TOX: variants seen among roughly 807,000 people sequenced by gnomAD.
TOX encodes the protein thymocyte selection-associated high mobility group box protein TOX.
Under a neutral mutation model 53.7 loss-of-function variants are expected in TOX, and 11 were observed. The ratio of observed to expected loss-of-function variants is 0.20; its 90% CI spans 0.13 to 0.34. The LOEUF (loss-of-function observed/expected upper bound fraction) is 0.34. TOX is among the 10% of genes least tolerant of loss of function. The probability of loss-of-function intolerance (pLI) is 1.00; values close to 1 mark genes in which losing one functional copy is unlikely to be tolerated. For synonymous variants in TOX, 225 were observed against 245.3 expected (o/e 0.92, Z 0.77); for missense variants, 570 against 664.6 (o/e 0.86, Z 1.56).
At chr8:58,952,136 AG>A (rs1812632209) in intron 2 of TOX, among the ~76,000 whole-genome samples, 1 of 152,158 alleles carries the variant, frequency 6.6e-6, no homozygotes, top group African/African-American at 2.4e-5. Flanking sequence ...ACACAGGAGG[AG>A]GTCTCAGAAG....
intron 1 of TOX, among the ~76,000 whole-genome samples, chr8:59,011,731 A>C (rs571618462): frequency 6.6e-6 from 1 of 152,144 alleles, no homozygotes; most frequent in Non-Finnish European, 1.5e-5. Flanking sequence ...TAATAATAAT[A>C]ATAACCACCT....
intron 3 of TOX, among the ~76,000 whole-genome samples, chr8:58,927,550 G>A (rs1006615086): frequency 3.9e-5 from 6 of 152,124 alleles, no homozygotes; most frequent in Non-Finnish European, 8.8e-5. Context: ...TGGTGTGATC[G>A]TGGGGATGAA....
intron 1 of TOX, among the ~76,000 whole-genome samples, chr8:59,063,612 C>T (rs1804032255): frequency 6.6e-6 from 1 of 151,798 alleles, no homozygotes; most frequent in African/African-American, 2.4e-5. Context: ...TTTAGTAAAA[C>T]GGGGTTTCAC....
intron 1 of TOX, among the ~76,000 whole-genome samples, chr8:58,996,408 A>G (rs1485141725): frequency 6.6e-6 from 1 of 152,238 alleles, no homozygotes; most frequent in South Asian, 2.1e-4. Flanking sequence ...CAAGGTTCCA[A>G]TCCTGCACAC....
chr8:59,099,873 C>T (rs556258305), intron 1 of TOX, among the ~76,000 whole-genome samples: 32 of 152,158 alleles, frequency 2.1e-4, no homozygotes, highest in African/African-American at 4.6e-4. Context: ...TCTTTTTGGA[C>T]GACTCTCAAA....
chr8:59,014,987 C>G (rs917999434), intron 1 of TOX, among the ~76,000 whole-genome samples: 1 of 152,202 alleles, frequency 6.6e-6, no homozygotes. Flanking sequence ...TACATTGGGA[C>G]AGCTCTCTTG....
At chr8:58,852,572 T>C (rs1810843015) in intron 3 of TOX, among the ~76,000 whole-genome samples, 3 of 152,184 alleles carry the variant, frequency 2.0e-5, no homozygotes, top group South Asian at 4.1e-4. Flanking sequence ...ATTAAAAGCA[T>C]TGGAGGATGA....
At chr8:58,898,938 A>G (rs1387805237) in intron 3 of TOX, among the ~76,000 whole-genome samples, 1 of 152,184 alleles carries the variant, frequency 6.6e-6, no homozygotes, top group East Asian at 1.9e-4. Context: ...GAGGTAGGCA[A>G]TATCATTCCC....
At chr8:59,033,787 C>T (rs1814401534) in intron 1 of TOX, among the ~76,000 whole-genome samples, 1 of 152,192 alleles carries the variant, frequency 6.6e-6, no homozygotes, top group South Asian at 2.1e-4. Flanking sequence ...TATTTAAAGA[C>T]TGTGTTCACA....
Position 58,959,978 on chromosome 8 carries a change from T to G in TOX, c.133A>C (p.Thr45Pro). 1.9e-6 allele frequency: 3 copies of G among 1,614,188 alleles called. No homozygotes were observed. The highest frequency in any genetic ancestry group is 2.5e-6 in the Non-Finnish European group (3 of 1,180,028). Residue 45 changes from threonine to proline, a missense_variant, in exon 2 of 9, where the codon ACA becomes CCA. Thr to Pro is a conservative substitution (Grantham distance 38). This residue lies in a region of TOX where 282 missense variants were observed against 315.0 expected (regional missense o/e 0.90). Coordinates refer to ENST00000361421, the MANE Select transcript of TOX (RefSeq NM_014729.3). ...GGCACATAGTCCTGGCTCGGCTCTGTCATGCTCATATACATGTTCTCACCG... is the reference window on the plus strand; with the variant it reads ...GGCACATAGTCCTGGCTCGGCTCTGGCATGCTCATATACATGTTCTCACCG... ...FDGENMYMSM[T>P]EPSQDYVPAS...
At chr8:58,935,129 C>A (rs141461337) in intron 3 of TOX, among the ~76,000 whole-genome samples, 3 of 152,118 alleles carry the variant, frequency 2.0e-5, no homozygotes, top group East Asian at 3.9e-4. Flanking sequence ...GAGGCAGATA[C>A]AAGAGAATAT....
chr8:59,017,777 A>G (rs886293391), intron 1 of TOX, among the ~76,000 whole-genome samples: 1 of 152,182 alleles, frequency 6.6e-6, no homozygotes, highest in African/African-American at 2.4e-5. Context: ...CTATTTTTCT[A>G]CACTTTTAAA....
At chr8:58,829,588 C>CTCCCT (rs1450416995) in intron 5 of TOX, among the ~76,000 whole-genome samples, 1 of 152,062 alleles carries the variant, frequency 6.6e-6, no homozygotes, top group Non-Finnish European at 1.5e-5. Context: ...GTAGCCTGGA[C>CTCCCT]CAGAATTAAA....
intron 3 of TOX, among the ~76,000 whole-genome samples, chr8:58,882,314 G>T (rs1307063391): frequency 1.3e-5 from 2 of 152,170 alleles, no homozygotes; most frequent in African/African-American, 4.8e-5. Context: ...TCTATGCCTG[G>T]CTTCACGATG....
intron 1 of TOX, among the ~76,000 whole-genome samples, chr8:59,047,075 G>A (rs923123740): frequency 6.6e-6 from 1 of 152,006 alleles, no homozygotes; most frequent in African/African-American, 2.4e-5. Flanking sequence ...ATGGAGAAAG[G>A]GAAGAAGCAA....
chr8:59,102,071 A>G (rs984564589), intron 1 of TOX, among the ~76,000 whole-genome samples: 28 of 152,302 alleles, frequency 1.8e-4, no homozygotes, highest in African/African-American at 6.5e-4. Flanking sequence ...CCCAAGACTG[A>G]GCAAATTTGC....
intron 1 of TOX, among the ~76,000 whole-genome samples, chr8:58,988,841 TG>T (rs1280386635): frequency 6.6e-6 from 1 of 152,166 alleles, no homozygotes; most frequent in Admixed American, 6.5e-5. Flanking sequence ...GCCAAACCAA[TG>T]GTCAGGTAGT....
chr8:58,866,533 C>T (rs1811105081), intron 3 of TOX, among the ~76,000 whole-genome samples: 2 of 152,338 alleles, frequency 1.3e-5, no homozygotes, highest in African/African-American at 2.4e-5. Flanking sequence ...CTATCCTTTT[C>T]TTAACCAATG....
intron 1 of TOX, among the ~76,000 whole-genome samples, chr8:59,025,007 A>G (rs1814208434): frequency 6.6e-6 from 1 of 152,212 alleles, no homozygotes; most frequent in Non-Finnish European, 1.5e-5. Context: ...TTTATGCTTT[A>G]AGAAAGTTCA....
Sources: gnomAD v4.1 joint callset for allele counts (sites outside exome capture counted in the v4.1 genomes callset) on GRCh38, gnomAD v4.1.1 for gene constraint, gnomAD v4.1.1 regional missense constraint, MANE v1.5 for transcripts, NCBI Gene and HGNC (gene_info 2026-07-23, HGNC 2026-07-21) for gene names.